Variants in ZNF347 observed in about 807,000 individuals in gnomAD.
ZNF347 encodes CTD-2620I22.7.
Under a neutral mutation model 12.9 loss-of-function variants are expected in ZNF347, and 19 were observed. That is an observed-to-expected ratio of 1.47 (90% CI 1.03 to 2.16). The LOEUF is 2.16. Ranked by LOEUF, ZNF347 falls within the 30% of genes most tolerant of loss-of-function variation. The pLI, the probability that ZNF347 is intolerant of heterozygous loss-of-function variation, is 0.00. For synonymous variants in ZNF347, 328 were observed against 340.6 expected, an observed-to-expected ratio of 0.96 and a Z score of 0.41; for missense variants, 1,005 against 990.6, an observed-to-expected ratio of 1.01 and a Z score of -0.19.
chr19:53,144,858 T>A (rs1049075260), intron 4 of ZNF347, among the ~76,000 whole-genome samples: 1 of 152,120 alleles, frequency 6.6e-6, no homozygotes, highest in Admixed American at 6.6e-5. Context: ...CATCAGCACA[T>A]GGATTATGCT....
rs1181942834 is a variant in ZNF347, at chr19:53,140,041, C to T, written c.*267G>A. 1.5e-5 allele frequency: 5 copies of T among 323,548 alleles called. No individual in the cohort carries two copies. The highest frequency in any genetic ancestry group is 2.8e-5 in the Non-Finnish European group (5 of 177,824). 20.0% of individuals were successfully genotyped at this position (323,548 alleles called of 1,614,324 possible). On this transcript the variant is annotated 3_prime_UTR_variant, in exon 5 of 5. Coordinates refer to ENST00000334197, the MANE Select transcript of ZNF347 (RefSeq NM_032584.3). ...TCAGCCTCCTATATAGCTGGGATTA[C>T]AGGCGCACGCCACCAGGCCTAGCTA... is the stretch of plus-strand genomic sequence containing the variant.
At position 53,139,536 on chromosome 19, in the gene ZNF347, T is replaced by C. The variant is rs2090406151; in HGVS notation, c.*772A>G. The C allele has an allele frequency of 6.6e-6, 1 of 152,212 alleles. No homozygotes were observed. Among genetic ancestry groups the C allele is most frequent in the African/African-American group, 2.4e-5 (1 of 41,460 alleles). 9.4% of individuals were successfully genotyped at this position (152,212 alleles called of 1,614,324 possible). ...AATAAAAGATTTTATAACCTGAAGG[T>C]AAGTAGCCATTTCCAAATGTCCTTT... On this transcript the variant is annotated 3_prime_UTR_variant, in exon 5 of 5. Transcript: ENST00000334197.
intron 2 of ZNF347, among the ~76,000 whole-genome samples, chr19:53,151,948 C>G (rs144096672): frequency 6.6e-6 from 1 of 151,722 alleles, no homozygotes; most frequent in African/African-American, 2.4e-5. Flanking sequence ...CAGAAATTAG[C>G]CGGGTGTGGT....
chr19:53,148,539 T>G lies in ZNF347; in HGVS notation c.271+142A>C, dbSNP rs890436807. The G allele has an allele frequency of 5.8e-6, 6 of 1,026,272 alleles. No homozygotes were observed. In the African/African-American group the frequency reaches 6.5e-5, roughly 11 times the overall value. The allele number at this position is 1,026,272 out of a possible 1,614,324, so 63.6% of individuals were successfully genotyped here. A position where few individuals can be genotyped will look rare whatever the true frequency, so the allele number is the denominator to read the frequency against. ...GATAAACTAGTACAAGTCTAAAGGA[T>G]AGACAAAAGGGGGCAAATAAAGATT... On this transcript the variant is annotated intron_variant, in intron 4 of 4. Coordinates refer to ENST00000334197, the MANE Select transcript of ZNF347 (RefSeq NM_032584.3).
At position 53,153,678 on chromosome 19, in the gene ZNF347, T is replaced by C. The variant is rs1289503158; in HGVS notation, c.15+55A>G. 10 of 1,597,666 alleles carry C rather than the reference T, an allele frequency of 6.3e-6. No homozygotes were observed. In the Admixed American group the frequency reaches 1.3e-4, roughly 21 times the overall value. ...AGAGAAGATTCCCAACTTCAAAGAA[T>C]GACATTTCAAGAAGAAATAAGAGAC... On this transcript the variant is annotated intron_variant, in intron 2 of 4. Transcript: ENST00000334197.
At chr19:53,151,079 G>C (rs546319981) in intron 2 of ZNF347, among the ~76,000 whole-genome samples, 1 of 152,116 alleles carries the variant, frequency 6.6e-6, no homozygotes, top group East Asian at 1.9e-4. Flanking sequence ...GTACTAACTT[G>C]TATATGAATA....
rs774732643 is a variant in ZNF347 at position 53,149,350 on chromosome 19, C to A, written c.33G>T (p.Arg11Ser). The change falls in exon 3 of 5, where the codon AGG becomes AGT. Residue 11 changes from arginine to serine, a missense_variant. Transcript: ENST00000334197. MALTQGQVTF[R>S]DVAIEFSQEE... ...CCTGAGAGAATTCTATAGCCACATC[C>A]CTGAATGTCACCTGTCCCTAAAATG... The A allele has an allele frequency of 1.2e-6, 2 of 1,613,932 alleles. No homozygotes were observed. Among genetic ancestry groups the A allele is most frequent in the Non-Finnish European group, 1.7e-6 (2 of 1,179,904 alleles).
chr19:53,139,353 A>C lies in ZNF347; in HGVS notation c.*955T>G, dbSNP rs774151542. 1.1e-4 allele frequency: 16 copies of C among 152,206 alleles called. No individual in the cohort carries two copies. Among genetic ancestry groups the C allele is most frequent in the Non-Finnish European group, 1.6e-4 (11 of 68,034 alleles). The allele number at this position is 152,206 out of a possible 1,614,324, so 9.4% of individuals were successfully genotyped here. The stretch of plus-strand genomic sequence containing the variant: ...TCCTCCTTCTTCAATAAACATGGAT[A>C]AAAATGATCCTCATGTAATGAAGTA... On this transcript the variant is annotated 3_prime_UTR_variant, in exon 5 of 5. Coordinates refer to ENST00000334197, the MANE Select transcript of ZNF347 (RefSeq NM_032584.3).
chr19:53,148,938 C>T, intron 3 of ZNF347, 129 bp from the exon 4 acceptor site: 2 of 1,299,220 alleles, frequency 1.5e-6, no homozygotes, highest in Non-Finnish European at 2.1e-6. Context: ...CCACTAAATG[C>T]TTCTTTATAA....
Position 53,140,640 on chromosome 19 carries a change from T to C in ZNF347, c.2188A>G (p.Ile730Val), listed in dbSNP as rs746108034. The C allele has an allele frequency of 6.2e-7, 1 of 1,613,736 alleles. No individual in the cohort carries two copies. Among genetic ancestry groups the C allele is most frequent in the Non-Finnish European group, 8.5e-7 (1 of 1,179,934 alleles). ...TTGTAAGGTTTTTTTCCAGTATGGA[T>C]TGCCTGATGGGTAGTTAGGCTTGAA... is the stretch of plus-strand genomic sequence containing the variant. ...VRSSLTTHQA[I>V]HTGKKPYKCN... The change falls in exon 5 of 5, where the codon ATC becomes GTC. Residue 730 changes from isoleucine to valine, a missense_variant. Ile to Val is a conservative substitution (Grantham distance 29, BLOSUM62 3). Transcript: ENST00000334197.
chr19:53,157,234 C>A (rs117602408), intron 1 of ZNF347, among the ~76,000 whole-genome samples: 2,018 of 152,210 alleles, frequency 0.013, 20 homozygotes, highest in African/African-American at 0.021. Context: ...TTTGCAACTG[C>A]ATAATTTAAG....
chr19:53,140,954 TA>T lies in ZNF347; in HGVS notation c.1873del (p.Tyr625ThrfsTer16). On this transcript the variant is annotated frameshift_variant, in exon 5 of 5. Coordinates refer to ENST00000334197, the MANE Select transcript of ZNF347 (RefSeq NM_032584.3). LOFTEE classifies it low-confidence loss of function (END_TRUNC). ...GGCTTTGCCATACTCATTATACTTG[TA>T]AGGTTTCTCTCCAGTATGAATTCGC... ...HQRIHTGEKPYKYNEYGKAFS... is the reference protein window; with the variant it reads ...HQRIHTGEKPXKYNEYGKAFS... 1 of 1,614,070 alleles carries T rather than the reference TA, an allele frequency of 6.2e-7. No homozygotes were observed. Among genetic ancestry groups the T allele is most frequent in the Admixed American group, 1.7e-5 (1 of 60,018 alleles).
At chr19:53,155,336 T>TG (rs1221175675) in intron 1 of ZNF347, among the ~76,000 whole-genome samples, 131 of 111,830 alleles carry the variant, frequency 1.2e-3, no homozygotes, top group African/African-American at 3.7e-3. Context: ...GTGTGTGTGT[T>TG]TGTTTTTTGT....
rs1437676402 is a variant in ZNF347, at chr19:53,140,442, C to T, written c.2386G>A (p.Gly796Arg). Reference sequence around the variant, plus strand: ...CTTGAACAGATACTAAAGGGTTTCCCACACTCATATGGTTTCTCTCCGGTA... The same window carrying T: ...CTTGAACAGATACTAAAGGGTTTCCTACACTCATATGGTTTCTCTCCGGTA... The part of the protein sequence containing the change: ...IHTGEKPYEC[G>R]KPFSICSSLT... Residue 796 changes from glycine to arginine, a missense_variant, in exon 5 of 5, where the codon GGG becomes AGG. Transcript: ENST00000334197. 1 of 1,614,074 alleles carries T rather than the reference C, an allele frequency of 6.2e-7. No individual in the cohort carries two copies. Among genetic ancestry groups the T allele is most frequent in the South Asian group, 1.1e-5 (1 of 91,070 alleles).
At position 53,136,613 on chromosome 19, in the gene ZNF347, G is replaced by T. The variant is rs190357865; in HGVS notation, c.*3695C>A. On this transcript the variant is annotated 3_prime_UTR_variant, in exon 5 of 5. Transcript: ENST00000334197. ...AAAGAAAAGAAGCTATGGAGAATAT[G>T]TTACACAATACCATAAACTGAACAA... is the stretch of plus-strand genomic sequence containing the variant. The T allele has an allele frequency of 6.6e-6, 1 of 151,944 alleles. No homozygotes were observed. Among genetic ancestry groups the T allele is most frequent in the Non-Finnish European group, 1.5e-5 (1 of 67,978 alleles). The allele number at this position is 151,944 out of a possible 1,614,324, so 9.4% of individuals were successfully genotyped here.
At position 53,135,329 on chromosome 19, in the gene ZNF347, TATATATATATAG is replaced by T. The variant is rs1453852257; in HGVS notation, c.*4967_*4978del. On this transcript the variant is annotated 3_prime_UTR_variant, in exon 5 of 5. Coordinates refer to ENST00000334197, the MANE Select transcript of ZNF347 (RefSeq NM_032584.3). ...ATATATATATATATATATATATATATATATATATATAGAGAGAGAGAGAGAGAGAGAGAGAGA... is the reference window on the plus strand; with the variant it reads ...ATATATATATATATATATATATATATAGAGAGAGAGAGAGAGAGAGAGAGA... 74 of 47,520 alleles carry T rather than the reference TATATATATATAG, an allele frequency of 1.6e-3. No individual in the cohort carries two copies. The highest frequency in any genetic ancestry group is 6.0e-3 in the Admixed American group (26 of 4,340). 2.9% of individuals were successfully genotyped at this position (47,520 alleles called of 1,614,324 possible).
In ZNF347 at chr19:53,139,580, T is replaced by C. The variant is rs1465002417; in HGVS notation, c.*728A>G. ...GTCCTTTGACCTTTGAAATATATAATGTCTTAAGTTTTACCATATTGGAAC... is the reference window on the plus strand; with the variant it reads ...GTCCTTTGACCTTTGAAATATATAACGTCTTAAGTTTTACCATATTGGAAC... On this transcript the variant is annotated 3_prime_UTR_variant, in exon 5 of 5. Coordinates refer to ENST00000334197, the MANE Select transcript of ZNF347 (RefSeq NM_032584.3). 1 of 152,204 alleles carries C rather than the reference T, an allele frequency of 6.6e-6. No individual in the cohort carries two copies. Among genetic ancestry groups the C allele is most frequent in the Admixed American group, 6.5e-5 (1 of 15,280 alleles). The allele number at this position is 152,204 out of a possible 1,614,324, so 9.4% of individuals were successfully genotyped here.
At position 53,142,297 on chromosome 19, in the gene ZNF347, G is replaced by C. The variant is rs550185204; in HGVS notation, c.531C>G (p.Asn177Lys). ...RDEHDKRDAR[N>K]KLIKNQLGLS... is the part of the protein sequence containing the mutation. Reference sequence around the variant, plus strand: ...ATCCAAGCTGATTTTTAATAAGCTTGTTTCTTGCATCTCTTTTATCATGTT... The same window carrying C: ...ATCCAAGCTGATTTTTAATAAGCTTCTTTCTTGCATCTCTTTTATCATGTT... Residue 177 changes from asparagine to lysine, a missense_variant, in exon 5 of 5, where the codon AAC (asparagine) becomes AAG (lysine). By Grantham distance (94) the Asn-to-Lys change is moderately conservative (BLOSUM62 0). Coordinates refer to ENST00000334197, the MANE Select transcript of ZNF347 (RefSeq NM_032584.3). The C allele has an allele frequency of 3.7e-6, 6 of 1,614,000 alleles. No homozygotes were observed. Among genetic ancestry groups the C allele is most frequent in the Non-Finnish European group, 5.1e-6 (6 of 1,179,974 alleles).
intron 3 of ZNF347, 154 bp from the exon 4 acceptor site, chr19:53,148,963 C>T (rs2090480517): frequency 8.6e-7 from 1 of 1,158,260 alleles, no homozygotes; most frequent in South Asian, 1.6e-5. Context: ...TTAGGAAACA[C>T]TATAATATGC....
Sources: allele counts gnomAD v4.1 joint callset (sites outside exome capture counted in the v4.1 genomes callset), GRCh38; gene constraint gnomAD v4.1.1; transcripts MANE v1.5; gene names NCBI Gene and HGNC (gene_info 2026-07-23, HGNC 2026-07-21).